Variants in PTGR1 observed in about 807,000 individuals in gnomAD.
PTGR1 encodes prostaglandin reductase 1.
Under a neutral mutation model 37.7 loss-of-function variants are expected in PTGR1, and 23 were observed. That is an observed-to-expected ratio of 0.61 (90% CI 0.44 to 0.86). The LOEUF (loss-of-function observed/expected upper bound fraction) is 0.86. Among genes scored for constraint, PTGR1 ranks in the 40% least tolerant of loss-of-function variants. PTGR1 has a pLI of 0.00. For synonymous variants in PTGR1, 134 were observed against 140.0 expected, an observed-to-expected ratio of 0.96 and a Z score of 0.30; for missense variants, 351 against 394.3, an observed-to-expected ratio of 0.89 and a Z score of 0.93.
chr9:111,591,429 T>C (rs1020031960), intron 4 of PTGR1, among the ~76,000 whole-genome samples: 5 of 144,524 alleles, frequency 3.5e-5, no homozygotes, highest in South Asian at 4.6e-4. Flanking sequence ...TGGAGGGCAG[T>C]GGTGCAATCG....
chr9:111,584,572 G>A (rs1829376338), intron 5 of PTGR1, among the ~76,000 whole-genome samples: 1 of 152,022 alleles, frequency 6.6e-6, no homozygotes, highest in Non-Finnish European at 1.5e-5. Context: ...ATTTGGCACT[G>A]TATATATATT....
chr9:111,570,522 G>A (rs901053543), intron 8 of PTGR1, among the ~76,000 whole-genome samples: 3 of 151,996 alleles, frequency 2.0e-5, no homozygotes, highest in African/African-American at 7.3e-5. Flanking sequence ...TGTAATCCCA[G>A]CATTTTGGGA....
At chr9:111,582,021 G>A (rs1317661417) in intron 6 of PTGR1, among the ~76,000 whole-genome samples, 1 of 151,872 alleles carries the variant, frequency 6.6e-6, no homozygotes, top group Non-Finnish European at 1.5e-5. Flanking sequence ...TAAATAATTG[G>A]TAAAAAGGTA....
At position 111,586,079 on chromosome 9, in the gene PTGR1, C is replaced by G; in HGVS notation, c.296G>C (p.Gly99Ala). Reference protein sequence around the residue: ...PGWTTHSISDGKDLEKLLTEW... With the variant: ...PGWTTHSISDAKDLEKLLTEW... ...TGTCAGCAGCTTTTCCAGATCTTTC[C>G]CATCAGAAATGGAGTGCGTTGTCCA... The change falls in exon 5 of 10, where the codon GGG becomes GCG. Residue 99 changes from glycine to alanine, a missense_variant. Coordinates refer to ENST00000407693, the MANE Select transcript of PTGR1 (RefSeq NM_001146108.2). 6.2e-7 allele frequency: 1 copy of G among 1,614,198 alleles called. No homozygotes were observed. Among genetic ancestry groups the G allele is most frequent in the Non-Finnish European group, 8.5e-7 (1 of 1,180,032 alleles).
intron 2 of PTGR1, among the ~76,000 whole-genome samples, chr9:111,594,779 C>A (rs533871704): frequency 1.3e-5 from 2 of 151,322 alleles, no homozygotes; most frequent in Non-Finnish European, 2.9e-5. Flanking sequence ...TCTCAATCTC[C>A]TGACCTAGTG....
intron 4 of PTGR1, among the ~76,000 whole-genome samples, chr9:111,588,155 G>A (rs553908717): frequency 5.3e-5 from 8 of 150,222 alleles, no homozygotes; most frequent in South Asian, 4.2e-4. Context: ...AGCTGGGACC[G>A]AGTAGCTGGG....
intron 2 of PTGR1, among the ~76,000 whole-genome samples, chr9:111,595,226 C>A (rs1040846984): frequency 2.6e-5 from 4 of 152,028 alleles, no homozygotes; most frequent in Non-Finnish European, 5.9e-5. Context: ...GTGCTTCTAT[C>A]GCAGAGACAA....
intron 7 of PTGR1, chr9:111,576,492 G>A: frequency 6.3e-7 from 1 of 1,592,654 alleles, no homozygotes; most frequent in East Asian, 2.2e-5. Context: ...CAGTTCAAGA[G>A]GCTCTGGTTC....
At chr9:111,571,477 T>C (rs1828817643) in intron 8 of PTGR1, among the ~76,000 whole-genome samples, 1 of 149,184 alleles carries the variant, frequency 6.7e-6, no homozygotes, top group Admixed American at 6.8e-5. Context: ...GTGTGTTTTG[T>C]GGTTGTCGTT....
intron 9 of PTGR1, chr9:111,549,897 A>G: frequency 4.0e-6 from 3 of 743,916 alleles, no homozygotes; most frequent in Non-Finnish European, 4.5e-6. Flanking sequence ...CCTCATGTCC[A>G]TTTTTTGTTG....
At chr9:111,553,368 T>G (rs142331093) in intron 9 of PTGR1, among the ~76,000 whole-genome samples, 1 of 152,192 alleles carries the variant, frequency 6.6e-6, no homozygotes. Flanking sequence ...AATTTAAATA[T>G]TTTTTCATTT....
At chr9:111,580,521 T>C (rs1829248728) in intron 6 of PTGR1, among the ~76,000 whole-genome samples, 1 of 152,052 alleles carries the variant, frequency 6.6e-6, no homozygotes, top group African/African-American at 2.4e-5. Context: ...TTTGGGGGGC[T>C]GAGGTGGGTG....
At chr9:111,576,260 C>T (rs1829049702) in intron 7 of PTGR1, 2 of 1,138,582 alleles carry the variant, frequency 1.8e-6, no homozygotes, top group East Asian at 2.4e-5. Context: ...TAGAGTTGGT[C>T]CTCATTATTA....
intron 9 of PTGR1, among the ~76,000 whole-genome samples, chr9:111,551,400 G>GTTTTT (rs58638722): frequency 0.012 from 901 of 74,252 alleles, 1 homozygote; most frequent in Non-Finnish European, 0.017. Context: ...TCCAGTTTTT[G>GTTTTT]TTTTTTTTTT....
intron 8 of PTGR1, among the ~76,000 whole-genome samples, chr9:111,573,836 T>C (rs1392106279): frequency 6.6e-6 from 1 of 151,818 alleles, no homozygotes. Context: ...GACCTCAGAG[T>C]GTGGAGCGGG....
intron 2 of PTGR1, among the ~76,000 whole-genome samples, chr9:111,596,140 C>G (rs1461217651): frequency 6.6e-6 from 1 of 152,198 alleles, no homozygotes; most frequent in East Asian, 1.9e-4. Context: ...ACTGAGAACC[C>G]TGGAAAGGTC....
chr9:111,585,438 G>C (rs895830846), intron 5 of PTGR1, among the ~76,000 whole-genome samples: 2 of 152,148 alleles, frequency 1.3e-5, no homozygotes, highest in Admixed American at 1.3e-4. Context: ...GGGCAGGCAG[G>C]AAAGAATAAG....
At chr9:111,572,539 G>A (rs974555650) in intron 8 of PTGR1, among the ~76,000 whole-genome samples, 7 of 151,960 alleles carry the variant, frequency 4.6e-5, no homozygotes, top group African/African-American at 7.2e-5. Flanking sequence ...GCAGTGAGCC[G>A]AGATCGTGCC....
At chr9:111,569,997 G>A (rs952715174) in intron 9 of PTGR1, 94 bp downstream of exon 9, 1 of 1,571,280 alleles carries the variant, frequency 6.4e-7, no homozygotes, top group Non-Finnish European at 8.7e-7. Flanking sequence ...CGATGCGGCA[G>A]AGATGGGGAA....
Sources: gnomAD v4.1 joint callset for allele counts (sites outside exome capture counted in the v4.1 genomes callset) on GRCh38, gnomAD v4.1.1 for gene constraint, MANE v1.5 for transcripts, NCBI Gene and HGNC (gene_info 2026-07-23, HGNC 2026-07-21) for gene names.